Variants in PIK3C2G observed in about 807,000 individuals in gnomAD.
PIK3C2G encodes the protein phosphatidylinositol 3-kinase C2 domain-containing subunit gamma.
PIK3C2G carries 168 observed loss-of-function variants against 181.1 expected under a neutral mutation model. That is an observed-to-expected ratio of 0.93 (90% CI 0.82 to 1.05). PIK3C2G has a LOEUF of 1.05. PIK3C2G is among the 50% of genes least tolerant of loss of function. PIK3C2G has a pLI of 0.00. For synonymous variants in PIK3C2G, 573 were observed against 592.2 expected (o/e 0.97, Z 0.47); for missense variants, 1,869 against 1,732.8 (o/e 1.08, Z -1.40).
chr12:18,445,756 A>C (rs1388615300), intron 18 of PIK3C2G, among the ~76,000 whole-genome samples: 1 of 152,214 alleles, frequency 6.6e-6, no homozygotes, highest in East Asian at 1.9e-4. Context: ...AGCACTCTAC[A>C]TGCTAACTGT....
intron 31 of PIK3C2G, among the ~76,000 whole-genome samples, chr12:18,631,255 A>G (rs1366092994): frequency 1.3e-5 from 2 of 152,178 alleles, no homozygotes; most frequent in South Asian, 2.1e-4. Flanking sequence ...TGAAAAATCA[A>G]TGTCTGTGTT....
At chr12:18,283,126 T>A (rs1362684932) in intron 2 of PIK3C2G, among the ~76,000 whole-genome samples, 2 of 152,124 alleles carry the variant, frequency 1.3e-5, no homozygotes, top group African/African-American at 2.4e-5. Context: ...ATACGTTTCA[T>A]TACATTATAT....
the PIK3C2G span, among the ~76,000 whole-genome samples, chr12:18,659,984 G>A: frequency 1.3e-5 from 2 of 152,054 alleles, no homozygotes; most frequent in Non-Finnish European, 2.9e-5. Context: ...ATAAGTAAAT[G>A]TAAAAAACAA....
In PIK3C2G at chr12:18,558,634, G is replaced by A. The variant is rs142737712; in HGVS notation, c.3591-4069G>A. ...TAGTCATTCATCTGCCTCTGAGCTT[G>A]TGGACTAGCTGTTGCTTCTGCCTAA... is the stretch of plus-strand genomic sequence containing the variant. On this transcript the variant is annotated intron_variant, in intron 26 of 32. Coordinates refer to ENST00000538779, the MANE Select transcript of PIK3C2G (RefSeq NM_001288772.2). 4.3e-3 allele frequency among the ~76,000 whole-genome samples: 648 copies of A among 152,218 alleles called. 6 individuals carry two copies. Among genetic ancestry groups the A allele is most frequent in the African/African-American group, 0.015 (614 of 41,504 alleles).
upstream of PIK3C2G, among the ~76,000 whole-genome samples, chr12:18,258,278 AT>A (rs68125582): frequency 0.35 from 52,938 of 150,200 alleles, 9,495 homozygotes; most frequent in Non-Finnish European, 0.4. Flanking sequence ...TTCCCATACC[AT>A]TTTTTTTTTG....
chr12:18,711,699 G>A, the PIK3C2G span, among the ~76,000 whole-genome samples: 1 of 151,932 alleles, frequency 6.6e-6, no homozygotes, highest in South Asian at 2.1e-4. Context: ...CGTGGCGAGA[G>A]CAGGACTAGA....
the PIK3C2G span, among the ~76,000 whole-genome samples, chr12:18,698,430 T>C: frequency 6.6e-6 from 1 of 152,076 alleles, no homozygotes; most frequent in African/African-American, 2.4e-5. Flanking sequence ...CTTTAAAAAA[T>C]CCAGGATCTC....
intron 25 of PIK3C2G, among the ~76,000 whole-genome samples, chr12:18,540,556 A>G (rs1048018710): frequency 1.3e-5 from 2 of 151,970 alleles, no homozygotes; most frequent in African/African-American, 4.8e-5. Flanking sequence ...TATGTTAAAC[A>G]ATCACCAAAG....
chr12:18,302,497 C>T (rs1336141291), intron 5 of PIK3C2G, among the ~76,000 whole-genome samples: 1 of 152,106 alleles, frequency 6.6e-6, no homozygotes, highest in African/African-American at 2.4e-5. Context: ...GCAGGGCGAT[C>T]CTCAGGACTC....
At chr12:18,631,325 A>G (rs1479795184) in intron 31 of PIK3C2G, among the ~76,000 whole-genome samples, 9 of 152,190 alleles carry the variant, frequency 5.9e-5, no homozygotes, top group Admixed American at 5.9e-4. Flanking sequence ...CCCGACTTCA[A>G]CTAAAACCTG....
At chr12:18,524,563 C>CT (rs112957471) in intron 24 of PIK3C2G, among the ~76,000 whole-genome samples, 307 of 140,274 alleles carry the variant, frequency 2.2e-3, no homozygotes, top group Middle Eastern at 3.7e-3. Flanking sequence ...CCTCAGTTTT[C>CT]TTTTTTTTTT....
the PIK3C2G span, chr12:18,701,671 C>A: frequency 6.2e-7 from 1 of 1,612,702 alleles, no homozygotes; most frequent in East Asian, 2.2e-5. Flanking sequence ...GCCACTTCTT[C>A]TTCCCATTCC....
intron 9 of PIK3C2G, among the ~76,000 whole-genome samples, chr12:18,340,950 G>A (rs1939081007): frequency 6.6e-6 from 1 of 152,044 alleles, no homozygotes; most frequent in African/African-American, 2.4e-5. Flanking sequence ...CATGGCCATC[G>A]ATTACAGCCA....
chr12:18,340,419 A>G (rs1294137755), intron 9 of PIK3C2G, among the ~76,000 whole-genome samples: 1 of 152,226 alleles, frequency 6.6e-6, no homozygotes, highest in East Asian at 1.9e-4. Flanking sequence ...TCAGAGTCTT[A>G]AAAAGCATTT....
At chr12:18,449,516 T>C (rs992858164) in intron 18 of PIK3C2G, among the ~76,000 whole-genome samples, 3 of 152,132 alleles carry the variant, frequency 2.0e-5, no homozygotes, top group African/African-American at 4.8e-5. Flanking sequence ...TGTGTTCTCA[T>C]TGTTCAACTC....
At chr12:18,373,453 G>GT (rs1942213348) in intron 13 of PIK3C2G, among the ~76,000 whole-genome samples, 1 of 152,134 alleles carries the variant, frequency 6.6e-6, no homozygotes, top group African/African-American at 2.4e-5. Context: ...AGAACCAATG[G>GT]TGATTAAACT....
intron 12 of PIK3C2G, among the ~76,000 whole-genome samples, chr12:18,369,072 T>C (rs2137855439): frequency 6.6e-6 from 1 of 152,312 alleles, no homozygotes; most frequent in South Asian, 2.1e-4. Context: ...CACCTACTGC[T>C]CTAATAATTT....
intron 1 of PIK3C2G, among the ~76,000 whole-genome samples, chr12:18,274,533 C>G (rs1035381573): frequency 6.6e-6 from 1 of 152,112 alleles, no homozygotes; most frequent in African/African-American, 2.4e-5. Flanking sequence ...AACCATCATT[C>G]TCAGCAAACT....
chr12:18,524,166 C>T (rs1943088712), intron 24 of PIK3C2G, among the ~76,000 whole-genome samples: 1 of 152,090 alleles, frequency 6.6e-6, no homozygotes, highest in South Asian at 2.1e-4. Context: ...TGCAAAGGGT[C>T]CCAGAAAAGT....
Sources: allele counts gnomAD v4.1 joint callset (sites outside exome capture counted in the v4.1 genomes callset), GRCh38; gene constraint gnomAD v4.1.1; transcripts MANE v1.5; gene names NCBI Gene and HGNC (gene_info 2026-07-23, HGNC 2026-07-21).